The following CSMD1 variants were observed in gnomAD, a reference collection of about 807,000 sequenced individuals.
CSMD1 encodes the protein CUB and sushi domain-containing protein 1.
CSMD1 carries 213 observed loss-of-function variants against 417.5 expected under a neutral mutation model. That is an observed-to-expected ratio of 0.51 (90% CI 0.46 to 0.57). CSMD1 has a LOEUF of 0.57. Ranked by LOEUF, CSMD1 falls within the 20% of genes least tolerant of loss-of-function variation. The pLI is 0.00. For missense variants in CSMD1, 6,923 were observed against 4,529.7 expected (o/e 1.53, Z -15.17); for synonymous variants, 2,862 against 1,736.8 (o/e 1.65, Z -16.11).
intron 36 of CSMD1, chr8:3,182,897 TATTGTTAGTAGAGAAGGG>T (rs375968231): frequency 4.2e-4 from 59 of 138,958 alleles, no homozygotes; most frequent in African/African-American, 1.6e-3. Context: ...TGTGTGTGTG[TATTGTTAGTAGAGAAGGG>T]GTTGTTAGTA....
At chr8:4,121,547 AT>A (rs1236654936) in intron 3 of CSMD1, among the ~76,000 whole-genome samples, 1 of 151,728 alleles carries the variant, frequency 6.6e-6, no homozygotes, top group African/African-American at 2.4e-5. Context: ...AAGTGAAGCA[AT>A]TGTCTAAAAT....
chr8:4,284,310 G>C (rs542935149), intron 3 of CSMD1, among the ~76,000 whole-genome samples: 2 of 152,208 alleles, frequency 1.3e-5, no homozygotes, highest in Non-Finnish European at 2.9e-5. Context: ...GGAGGTTGCC[G>C]TGAGCCGAGA....
In CSMD1 at chr8:4,468,041, C is replaced by T. The variant is rs1370269925; in HGVS notation, c.303-47976G>A. Among the ~76,000 whole-genome samples the T allele has an allele frequency of 4.0e-5, 6 of 149,534 alleles. No individual in the cohort carries two copies. The South Asian group carries it at 6.3e-4, about 16-fold the overall frequency. ...CCCATCTCTCACATGGGTTACTCAA[C>T]AGGCCCTGCCTCCTGTCCGTCCCTG... On this transcript the variant is annotated intron_variant, in intron 2 of 69. Coordinates refer to ENST00000635120, the MANE Select transcript of CSMD1 (RefSeq NM_033225.6).
intron 3 of CSMD1, among the ~76,000 whole-genome samples, chr8:4,167,985 C>T (rs1416068983): frequency 1.3e-5 from 2 of 151,864 alleles, no homozygotes; most frequent in African/African-American, 2.4e-5. Context: ...AAAAATTAGC[C>T]AGGCGTGGTG....
intron 54 of CSMD1, among the ~76,000 whole-genome samples, chr8:2,980,164 A>G (rs1462983160): frequency 6.6e-6 from 1 of 152,218 alleles, no homozygotes; most frequent in Non-Finnish European, 1.5e-5. Context: ...AGACTGTCCA[A>G]AAATAATTTC....
intron 1 of CSMD1, among the ~76,000 whole-genome samples, chr8:4,854,062 G>A (rs933757940): frequency 6.6e-6 from 1 of 152,034 alleles, no homozygotes; most frequent in Non-Finnish European, 1.5e-5. Flanking sequence ...TCTCACAGGG[G>A]GAACGAACTC....
chr8:3,648,621 A>G (rs1436870023), intron 7 of CSMD1, among the ~76,000 whole-genome samples: 2 of 152,192 alleles, frequency 1.3e-5, no homozygotes, highest in Non-Finnish European at 2.9e-5. Flanking sequence ...CCCAAGAACG[A>G]GTTTCTCTAG....
chr8:4,919,053 G>A (rs902365686), intron 1 of CSMD1, among the ~76,000 whole-genome samples: 10 of 152,178 alleles, frequency 6.6e-5, no homozygotes, highest in African/African-American at 9.7e-5. Context: ...CAGAGCCATG[G>A]TTTTCAGTGA....
chr8:4,274,095 T>C (rs1028107370), intron 3 of CSMD1, among the ~76,000 whole-genome samples: 6 of 152,214 alleles, frequency 3.9e-5, no homozygotes. Context: ...ATTTACTATA[T>C]GGAACATATT....
At chr8:3,692,222 G>A (rs576509170) in intron 7 of CSMD1, among the ~76,000 whole-genome samples, 4 of 152,192 alleles carry the variant, frequency 2.6e-5, no homozygotes, top group East Asian at 1.9e-4. Flanking sequence ...CAGTGTCCTG[G>A]GGGCAAAATC....
At chr8:3,880,859 T>A (rs1806161371) in intron 5 of CSMD1, among the ~76,000 whole-genome samples, 1 of 152,236 alleles carries the variant, frequency 6.6e-6, no homozygotes, top group Admixed American at 6.5e-5. Flanking sequence ...ATATTTTTTC[T>A]AATACAAATT....
chr8:4,271,223 T>G (rs1804574018), intron 3 of CSMD1, among the ~76,000 whole-genome samples: 1 of 152,152 alleles, frequency 6.6e-6, no homozygotes, highest in African/African-American at 2.4e-5. Flanking sequence ...TGCAATGCGA[T>G]ATACACGAAT....
chr8:2,975,911 T>A lies in CSMD1; in HGVS notation c.8567-1287A>T, dbSNP rs557888576. ...CCTGGAGACTTGAGGAACATCAGCATCAGTACAAAACCAAATGGAAGTCTC... is the reference window on the plus strand; with the variant it reads ...CCTGGAGACTTGAGGAACATCAGCAACAGTACAAAACCAAATGGAAGTCTC... On this transcript the variant is annotated intron_variant, in intron 55 of 69. Transcript: ENST00000635120. Among the ~76,000 whole-genome samples, 12 of 152,080 alleles carry A rather than the reference T, an allele frequency of 7.9e-5. No homozygotes were observed. The South Asian group carries it at 8.3e-4, about 11-fold the overall frequency.
chr8:3,812,151 A>G (rs1344211635), intron 5 of CSMD1, among the ~76,000 whole-genome samples: 1 of 152,220 alleles, frequency 6.6e-6, no homozygotes. Flanking sequence ...TTCACATGAC[A>G]ATTCTGTAAG....
chr8:4,549,774 G>A (rs1020004300), intron 2 of CSMD1, among the ~76,000 whole-genome samples: 1 of 151,512 alleles, frequency 6.6e-6, no homozygotes, highest in Admixed American at 6.6e-5. Flanking sequence ...GTTGACACTT[G>A]TAATCCTAGC....
intron 7 of CSMD1, among the ~76,000 whole-genome samples, chr8:3,632,351 C>A (rs557416874): frequency 6.6e-6 from 1 of 152,248 alleles, no homozygotes; most frequent in South Asian, 2.1e-4. Flanking sequence ...CTGACACCCC[C>A]CCATCCCCAC....
At chr8:4,003,173 C>T (rs1815831439) in intron 4 of CSMD1, among the ~76,000 whole-genome samples, 2 of 152,070 alleles carry the variant, frequency 1.3e-5, no homozygotes, top group Admixed American at 6.5e-5. Context: ...GAGGGTGGAT[C>T]ACGAGGTCAG....
At chr8:3,384,549 C>G (rs541005283) in intron 18 of CSMD1, among the ~76,000 whole-genome samples, 2 of 150,282 alleles carry the variant, frequency 1.3e-5, no homozygotes, top group South Asian at 4.2e-4. Flanking sequence ...ACAGTCCTTC[C>G]TTATTATTCT....
chr8:3,383,372 C>T (rs1313693738), intron 18 of CSMD1, among the ~76,000 whole-genome samples: 2 of 151,904 alleles, frequency 1.3e-5, no homozygotes, highest in Non-Finnish European at 2.9e-5. Flanking sequence ...CCTTCTTCCA[C>T]ACTAGGAAAA....
Sources: gnomAD v4.1 joint callset for allele counts (sites outside exome capture counted in the v4.1 genomes callset) on GRCh38, gnomAD v4.1.1 for gene constraint, MANE v1.5 for transcripts, NCBI Gene and HGNC (gene_info 2026-07-23, HGNC 2026-07-21) for gene names.